Variants in PTPRD observed in about 807,000 individuals in gnomAD.
PTPRD encodes protein tyrosine phosphatase receptor type D.
A neutral mutation model predicts 214.5 loss-of-function variants in PTPRD; 34 were observed. The ratio of observed to expected loss-of-function variants is 0.16; its 90% CI spans 0.12 to 0.21. The LOEUF (loss-of-function observed/expected upper bound fraction) is 0.21. Among genes scored for constraint, PTPRD ranks in the 10% least tolerant of loss-of-function variants. The pLI is 1.00. For missense variants in PTPRD, 2,545 were observed against 2,398.7 expected, an observed-to-expected ratio of 1.06 and a Z score of -1.27; for synonymous variants, 1,128 against 845.7, an observed-to-expected ratio of 1.33 and a Z score of -5.79.
intron 5 of PTPRD, among the ~76,000 whole-genome samples, chr9:9,850,862 C>A (rs547794523): frequency 3.3e-5 from 5 of 152,230 alleles, no homozygotes; most frequent in Non-Finnish European, 7.4e-5. Context: ...TGATAATCAC[C>A]ATTTTACTCT....
chr9:8,911,415 T>TGTTGTGTGTGTGTGTGTGTGTG (rs1555510111), intron 11 of PTPRD, among the ~76,000 whole-genome samples: 2 of 127,724 alleles, frequency 1.6e-5, no homozygotes, highest in South Asian at 5.1e-4. Flanking sequence ...TGTGTGTGTG[T>TGTTGTGTGTGTGTGTGTGTGTG]TGTGTGTGTG....
intron 3 of PTPRD, among the ~76,000 whole-genome samples, chr9:10,127,294 G>A (rs773856415): frequency 2.0e-5 from 3 of 152,120 alleles, no homozygotes; most frequent in African/African-American, 7.2e-5. Context: ...TGGCCCACAA[G>A]ACATTTCTTG....
intron 10 of PTPRD, among the ~76,000 whole-genome samples, chr9:9,129,087 G>A (rs938802080): frequency 6.6e-6 from 1 of 152,118 alleles, no homozygotes; most frequent in Admixed American, 6.5e-5. Context: ...CTAACACAAG[G>A]CTTTATCTAA....
chr9:8,949,959 A>G (rs1431463225), intron 11 of PTPRD, among the ~76,000 whole-genome samples: 1 of 152,206 alleles, frequency 6.6e-6, no homozygotes, highest in Admixed American at 6.6e-5. Flanking sequence ...AAGAAGGCAC[A>G]GAAGGGAGAG....
At chr9:9,290,876 A>G (rs1485909645) in intron 9 of PTPRD, among the ~76,000 whole-genome samples, 2 of 151,516 alleles carry the variant, frequency 1.3e-5, no homozygotes, top group Non-Finnish European at 3.0e-5. Context: ...TCTGTTCCAT[A>G]GCCACAAGAT....
intron 39 of PTPRD, among the ~76,000 whole-genome samples, chr9:8,368,752 T>G (rs1262431421): frequency 6.6e-6 from 1 of 150,794 alleles, no homozygotes; most frequent in African/African-American, 2.4e-5. Flanking sequence ...ATCATAGGAC[T>G]GTGCCATCAA....
At chr9:8,660,949 T>C (rs1367572754) in intron 12 of PTPRD, among the ~76,000 whole-genome samples, 1 of 152,010 alleles carries the variant, frequency 6.6e-6, no homozygotes, top group Non-Finnish European at 1.5e-5. Flanking sequence ...ACATGAGATT[T>C]ATCATTTAAC....
intron 11 of PTPRD, among the ~76,000 whole-genome samples, chr9:8,973,174 CATAATACTCA>C (rs1468840201): frequency 6.6e-6 from 1 of 151,934 alleles, no homozygotes; most frequent in Non-Finnish European, 1.5e-5. Flanking sequence ...AGGGTGTGAG[CATAATACTCA>C]ATAGGTAGTT....
chr9:9,013,262 G>A (rs548357095), intron 11 of PTPRD, among the ~76,000 whole-genome samples: 11 of 152,100 alleles, frequency 7.2e-5, no homozygotes, highest in Admixed American at 3.3e-4. Flanking sequence ...CGAGGCCACC[G>A]ACACTAGAAT....
intron 30 of PTPRD, among the ~76,000 whole-genome samples, chr9:8,478,352 ATCT>A (rs749533529): frequency 5.3e-5 from 8 of 152,320 alleles, no homozygotes; most frequent in African/African-American, 7.2e-5. Flanking sequence ...TTCCACAAAA[ATCT>A]TCTTGTTTAA....
intron 7 of PTPRD, among the ~76,000 whole-genome samples, chr9:9,669,373 A>C (rs1223839409): frequency 1.3e-5 from 2 of 152,186 alleles, no homozygotes; most frequent in Non-Finnish European, 2.9e-5. Flanking sequence ...AAACGTAGGT[A>C]ATCTAATTTC....
At chr9:8,775,707 G>C (rs2095443913) in intron 11 of PTPRD, among the ~76,000 whole-genome samples, 1 of 152,144 alleles carries the variant, frequency 6.6e-6, no homozygotes, top group Admixed American at 6.5e-5. Flanking sequence ...AACCTGGCTG[G>C]GCATGGTGGC....
At chr9:10,280,904 A>G (rs1321955658) in intron 3 of PTPRD, among the ~76,000 whole-genome samples, 1 of 152,110 alleles carries the variant, frequency 6.6e-6, no homozygotes. Context: ...TGTGAGCCAC[A>G]TGCACCAGGC....
chr9:8,605,849 C>G (rs1305346056), intron 14 of PTPRD, among the ~76,000 whole-genome samples: 2 of 152,130 alleles, frequency 1.3e-5, no homozygotes, highest in African/African-American at 4.8e-5. Flanking sequence ...GATCATCCTA[C>G]CAGCTATTAC....
chr9:10,337,690 T>C (rs117218921), intron 3 of PTPRD, among the ~76,000 whole-genome samples: 1 of 151,776 alleles, frequency 6.6e-6, no homozygotes, highest in Non-Finnish European at 1.5e-5. Context: ...TTTATACTTA[T>C]GTGTCAGGAA....
At chr9:9,438,774 G>A (rs2086320753) in intron 8 of PTPRD, among the ~76,000 whole-genome samples, 1 of 152,104 alleles carries the variant, frequency 6.6e-6, no homozygotes, top group South Asian at 2.1e-4. Flanking sequence ...CAACATTCTA[G>A]TGTTAAATAA....
chr9:8,465,273 T>A (rs932964139), intron 32 of PTPRD, among the ~76,000 whole-genome samples, 193 bp downstream of exon 32: 1 of 151,956 alleles, frequency 6.6e-6, no homozygotes, highest in Admixed American at 6.6e-5. Flanking sequence ...ATCAGAGACA[T>A]AGTCTCATTT....
At chr9:8,690,825 T>C (rs1009416828) in intron 12 of PTPRD, among the ~76,000 whole-genome samples, 5 of 152,134 alleles carry the variant, frequency 3.3e-5, no homozygotes, top group African/African-American at 1.2e-4. Context: ...TAATTTCAAT[T>C]TTCAAAATAT....
chr9:9,316,162 C>A (rs924692685), intron 9 of PTPRD, among the ~76,000 whole-genome samples: 8 of 151,862 alleles, frequency 5.3e-5, no homozygotes, highest in Non-Finnish European at 8.8e-5. Context: ...GTACGTTATT[C>A]TATGAGATAT....
Sources: gnomAD v4.1 joint callset for allele counts (sites outside exome capture counted in the v4.1 genomes callset) on GRCh38, gnomAD v4.1.1 for gene constraint, MANE v1.5 for transcripts, NCBI Gene and HGNC (gene_info 2026-07-23, HGNC 2026-07-21) for gene names.